Variants in LRRN2 observed in about 807,000 individuals in gnomAD.
The protein encoded by LRRN2 is leucine-rich repeat neuronal protein 2.
Under a neutral mutation model 35.7 loss-of-function variants are expected in LRRN2, and 10 were observed. That is an observed-to-expected ratio of 0.28 (90% CI 0.17 to 0.47). LRRN2 has a LOEUF of 0.47. Ranked by LOEUF, LRRN2 falls within the 20% of genes least tolerant of loss-of-function variation. The pLI is 0.99. For missense variants in LRRN2, 731 were observed against 940.3 expected, an observed-to-expected ratio of 0.78 and a Z score of 2.91; for synonymous variants, 391 against 409.6, an observed-to-expected ratio of 0.95 and a Z score of 0.55.
rs774047130 is a variant in LRRN2, at chr1:204,619,792, G to A, written c.201C>T (p.Leu67=). ...DLFLTAVPPA[L]PAGTQTLLLQ... Reference sequence around the variant, plus strand: ...GGAGCAGGGTCTGTGTGCCTGCGGGGAGTGCCGGGGGGACTGCCGTCAGGA... The same window carrying A: ...GGAGCAGGGTCTGTGTGCCTGCGGGAAGTGCCGGGGGGACTGCCGTCAGGA... Residue 67 remains leucine (L), a synonymous_variant, in exon 2 of 2, where the codon CTC becomes CTT. Coordinates refer to ENST00000367177, the MANE Select transcript of LRRN2 (RefSeq NM_201630.2). 3.1e-6 allele frequency: 5 copies of A among 1,614,096 alleles called. No individual in the cohort carries two copies. The highest frequency in any genetic ancestry group is 1.7e-5 in the Admixed American group (1 of 60,012).
chr1:204,662,094 C>A (rs1668484522), intron 1 of LRRN2, among the ~76,000 whole-genome samples: 1 of 152,204 alleles, frequency 6.6e-6, no homozygotes, highest in South Asian at 2.1e-4. Flanking sequence ...GTATCTGTAT[C>A]TTCAGCAGGC....
intron 1 of LRRN2, among the ~76,000 whole-genome samples, chr1:204,682,390 G>A (rs751828193): frequency 6.6e-6 from 1 of 152,134 alleles, no homozygotes; most frequent in East Asian, 1.9e-4. Context: ...GGGAGATAAG[G>A]CCCCATGAAA....
chr1:204,632,131 G>A (rs1667719907), intron 1 of LRRN2, among the ~76,000 whole-genome samples: 4 of 152,206 alleles, frequency 2.6e-5, no homozygotes, highest in Admixed American at 2.6e-4. Flanking sequence ...CTACTTGGGA[G>A]GCTGGGGTGA....
chr1:204,658,334 G>C (rs1341709256), intron 1 of LRRN2, among the ~76,000 whole-genome samples: 2 of 152,126 alleles, frequency 1.3e-5, no homozygotes, highest in Admixed American at 1.3e-4. Context: ...GAGGAAGGGG[G>C]TCTCCCAAAT....
chr1:204,647,731 A>C (rs1056847337), intron 1 of LRRN2, among the ~76,000 whole-genome samples: 2 of 152,222 alleles, frequency 1.3e-5, no homozygotes, highest in Non-Finnish European at 2.9e-5. Flanking sequence ...AGGAAGGAGC[A>C]GTATCAAGAA....
chr1:204,633,324 A>C (rs1314935534), intron 1 of LRRN2: 1 of 152,200 alleles, frequency 6.6e-6, no homozygotes, highest in East Asian at 1.9e-4. Flanking sequence ...ATGGACTACG[A>C]TCTATGTGAT....
intron 1 of LRRN2, among the ~76,000 whole-genome samples, chr1:204,683,869 C>A (rs537811054): frequency 6.6e-6 from 1 of 152,300 alleles, no homozygotes; most frequent in South Asian, 2.1e-4. Flanking sequence ...CAGCACCTGG[C>A]CAGGAAAGTG....
chr1:204,638,113 C>A (rs1181856679), intron 1 of LRRN2, among the ~76,000 whole-genome samples: 4 of 138,770 alleles, frequency 2.9e-5, no homozygotes, highest in Non-Finnish European at 6.3e-5. Context: ...ACCCACCCCC[C>A]GCCCCGAACA....
chr1:204,628,148 C>T (rs541956127), intron 1 of LRRN2: 34 of 152,336 alleles, frequency 2.2e-4, no homozygotes, highest in African/African-American at 7.9e-4. Context: ...ATACCCGGGC[C>T]ACTCCAGACA....
intron 1 of LRRN2, among the ~76,000 whole-genome samples, chr1:204,682,653 T>C (rs553247997): frequency 1.3e-5 from 2 of 152,336 alleles, no homozygotes; most frequent in East Asian, 3.9e-4. Flanking sequence ...GACTGGTGCA[T>C]AATAGGTATT....
chr1:204,632,412 C>T (rs1667728044), intron 1 of LRRN2, among the ~76,000 whole-genome samples: 1 of 150,548 alleles, frequency 6.6e-6, no homozygotes, highest in Non-Finnish European at 1.5e-5. Flanking sequence ...GGGCAGATCA[C>T]TTGAGATTAG....
chr1:204,677,765 A>T (rs1242231107), intron 1 of LRRN2, among the ~76,000 whole-genome samples: 1 of 152,210 alleles, frequency 6.6e-6, no homozygotes, highest in African/African-American at 2.4e-5. Context: ...ATCAGAGATC[A>T]TCTGGTCTCG....
chr1:204,678,046 A>T (rs1210737582), intron 1 of LRRN2, among the ~76,000 whole-genome samples: 5 of 151,592 alleles, frequency 3.3e-5, no homozygotes, highest in Non-Finnish European at 7.4e-5. Flanking sequence ...AGTCGAATCT[A>T]CTCCATTTTC....
At chr1:204,681,049 T>C (rs1668937012) in intron 1 of LRRN2, among the ~76,000 whole-genome samples, 1 of 151,870 alleles carries the variant, frequency 6.6e-6, no homozygotes, top group East Asian at 2.0e-4. Context: ...CTCCGCCACC[T>C]GGGTTCAAGT....
Position 204,674,653 on chromosome 1 carries a change from A to G in LRRN2, c.-227+10667T>C, listed in dbSNP as rs117548662. On this transcript the variant is annotated intron_variant, in intron 1 of 1. Transcript: ENST00000367177. Reference sequence around the variant, plus strand: ...AATGCTGCATAAGCTTCACGAGGGCAGGTGCAGCCTGGGCCAGTGGGCTGG... The same window carrying G: ...AATGCTGCATAAGCTTCACGAGGGCGGGTGCAGCCTGGGCCAGTGGGCTGG... 2.1e-3 allele frequency among the ~76,000 whole-genome samples: 319 copies of G among 152,342 alleles called. 10 individuals carry two copies. In the East Asian group the frequency reaches 0.056, roughly 27 times the overall value.
intron 1 of LRRN2, among the ~76,000 whole-genome samples, chr1:204,644,358 G>A (rs763265139): frequency 7.2e-5 from 11 of 152,074 alleles, no homozygotes; most frequent in Non-Finnish European, 1.5e-4. Flanking sequence ...TGATGGGGGA[G>A]GTCACTTTCT....
chr1:204,674,043 C>T (rs893376813), intron 1 of LRRN2, among the ~76,000 whole-genome samples: 3 of 152,176 alleles, frequency 2.0e-5, no homozygotes, highest in African/African-American at 7.2e-5. Context: ...ATGCGGCTGT[C>T]AGCCCCCCAT....
At chr1:204,626,067 G>A (rs1667330042) in intron 1 of LRRN2, among the ~76,000 whole-genome samples, 1 of 152,102 alleles carries the variant, frequency 6.6e-6, no homozygotes, top group African/African-American at 2.4e-5. Flanking sequence ...GGGTGGCCAG[G>A]AAGGAGGGGC....
intron 1 of LRRN2, among the ~76,000 whole-genome samples, chr1:204,656,906 T>C (rs1460148922): frequency 6.6e-6 from 1 of 152,202 alleles, no homozygotes; most frequent in African/African-American, 2.4e-5. Flanking sequence ...ATCATCTTCA[T>C]TGAAGGAAAC....
Sources: gnomAD v4.1 joint callset for allele counts (sites outside exome capture counted in the v4.1 genomes callset) on GRCh38, gnomAD v4.1.1 for gene constraint, MANE v1.5 for transcripts, NCBI Gene and HGNC (gene_info 2026-07-23, HGNC 2026-07-21) for gene names.